The following PTPRK variants were observed in gnomAD, a reference collection of about 807,000 sequenced individuals.
The protein encoded by PTPRK is receptor-type tyrosine-protein phosphatase kappa.
PTPRK carries 75 observed loss-of-function variants against 178.0 expected under a neutral mutation model. The observed-to-expected ratio is 0.42, with a 90% CI of 0.35 to 0.51. The LOEUF (loss-of-function observed/expected upper bound fraction) is 0.51, where lower values mean the gene tolerates loss of function less well. PTPRK is among the 20% of genes least tolerant of loss of function. The pLI, the probability that PTPRK is intolerant of heterozygous loss-of-function variation, is 0.02. For synonymous variants in PTPRK, 637 were observed against 620.6 expected (o/e 1.03, Z -0.39); for missense variants, 1,441 against 1,797.8 (o/e 0.80, Z 3.59).
chr6:128,496,222 A>G (rs1854633353), intron 1 of PTPRK, among the ~76,000 whole-genome samples: 1 of 152,226 alleles, frequency 6.6e-6, no homozygotes, highest in African/African-American at 2.4e-5. Context: ...GAAAAAAAGC[A>G]AACTTGATGA....
intron 7 of PTPRK, among the ~76,000 whole-genome samples, chr6:128,173,497 A>G (rs2114655371): frequency 1.3e-5 from 2 of 152,094 alleles, no homozygotes; most frequent in Admixed American, 6.6e-5. Context: ...TGGTGATGAC[A>G]CTTAAATCTG....
At chr6:128,072,866 G>A (rs924891124) in intron 11 of PTPRK, among the ~76,000 whole-genome samples, 2 of 152,058 alleles carry the variant, frequency 1.3e-5, no homozygotes, top group Admixed American at 6.6e-5. Context: ...CAATCACAGG[G>A]ATGCATGTTT....
intron 1 of PTPRK, among the ~76,000 whole-genome samples, chr6:128,405,645 G>A (rs1841565537): frequency 6.6e-6 from 1 of 152,108 alleles, no homozygotes; most frequent in Non-Finnish European, 1.5e-5. Context: ...TGTTTCTCCT[G>A]GAGAGATTAC....
Position 128,240,195 on chromosome 6 carries a change from A to G in PTPRK, c.578-45T>C, listed in dbSNP as rs183412091. 72 of 1,360,864 alleles carry G rather than the reference A, an allele frequency of 5.3e-5. 1 individual carries two copies. The Middle Eastern group carries it at 2.2e-3, about 41-fold the overall frequency. 84.3% of individuals were successfully genotyped at this position (1,360,864 alleles called of 1,614,324 possible). ...AAAATGTATTTGTTTTCACATGAAG[A>G]AAATATGCCATGTTACTTTTCTCCA... On this transcript the variant is annotated intron_variant, in intron 4 of 29. Coordinates refer to ENST00000368226, the MANE Select transcript of PTPRK (RefSeq NM_002844.4).
chr6:128,468,280 C>T (rs139007117), intron 1 of PTPRK, among the ~76,000 whole-genome samples: 143 of 152,280 alleles, frequency 9.4e-4, no homozygotes, highest in African/African-American at 3.2e-3. Context: ...AACAGGCTGA[C>T]ATGCATATGT....
rs1274604733 is a variant in PTPRK, at chr6:128,075,591, C to G, written c.1883+3222G>C. ...TGTTACCAGTCATTAATTTAGGAGT[C>G]TACCACTCACACGGGTGCACATACT... On this transcript the variant is annotated intron_variant, in intron 11 of 29. Coordinates refer to ENST00000368226, the MANE Select transcript of PTPRK (RefSeq NM_002844.4). 3.9e-5 allele frequency among the ~76,000 whole-genome samples: 6 copies of G among 152,062 alleles called. No individual in the cohort carries two copies. In the East Asian group the frequency reaches 7.7e-4, roughly 20 times the overall value.
chr6:128,247,048 G>C (rs1428423484), intron 3 of PTPRK, among the ~76,000 whole-genome samples: 1 of 152,142 alleles, frequency 6.6e-6, no homozygotes, highest in African/African-American at 2.4e-5. Context: ...GGAAGCCTGG[G>C]ATCTACTATC....
intron 3 of PTPRK, among the ~76,000 whole-genome samples, chr6:128,279,522 G>A (rs1053220670): frequency 1.3e-5 from 2 of 152,188 alleles, no homozygotes; most frequent in Admixed American, 1.3e-4. Flanking sequence ...ACTTCAACAG[G>A]GATCAATGAA....
intron 2 of PTPRK, among the ~76,000 whole-genome samples, chr6:128,385,279 A>G (rs1184318376): frequency 1.3e-5 from 2 of 151,986 alleles, no homozygotes; most frequent in Non-Finnish European, 2.9e-5. Context: ...GTGATTTCCT[A>G]TAGGTCTTTG....
Position 128,201,714 on chromosome 6 carries a change from T to C in PTPRK, c.869-16989A>G, listed in dbSNP as rs957725151. 2.0e-5 allele frequency among the ~76,000 whole-genome samples: 3 copies of C among 152,086 alleles called. No individual in the cohort carries two copies. In the East Asian group the frequency reaches 5.8e-4, roughly 29 times the overall value. The stretch of plus-strand genomic sequence containing the variant: ...TCTCTATTAAAAAATATATATATTT[T>C]ACTAAATCAAATTTTAAAAATTAAA... On this transcript the variant is annotated intron_variant, in intron 6 of 29. Coordinates refer to ENST00000368226, the MANE Select transcript of PTPRK (RefSeq NM_002844.4).
intron 1 of PTPRK, among the ~76,000 whole-genome samples, chr6:128,407,619 G>C (rs1055676829): frequency 4.2e-5 from 4 of 95,890 alleles, no homozygotes; most frequent in Non-Finnish European, 7.4e-5. Flanking sequence ...CTGATGGACA[G>C]AGCAAGACCC....
At chr6:128,490,901 C>A (rs1027506728) in intron 1 of PTPRK, among the ~76,000 whole-genome samples, 7 of 152,138 alleles carry the variant, frequency 4.6e-5, no homozygotes, top group African/African-American at 1.7e-4. Flanking sequence ...CTTGGAGTCT[C>A]TTCCTCTTTT....
intron 1 of PTPRK, among the ~76,000 whole-genome samples, chr6:128,451,674 A>G (rs1446948362): frequency 6.6e-6 from 1 of 152,036 alleles, no homozygotes; most frequent in East Asian, 1.9e-4. Flanking sequence ...ATTTCCTGCA[A>G]AAATACGTTT....
In PTPRK at chr6:128,428,796, A is replaced by G. The variant is rs144668860; in HGVS notation, c.101-31108T>C. ...CAAAGGTCATATACATTCAGTATTA[A>G]CTGTCCTTAGAGTACCCATACAGCC... On this transcript the variant is annotated intron_variant, in intron 1 of 29. Transcript: ENST00000368226. 3.3e-5 allele frequency among the ~76,000 whole-genome samples: 5 copies of G among 152,346 alleles called. 1 individual carries two copies. The highest frequency in any genetic ancestry group is 1.2e-4 in the African/African-American group (5 of 41,584).
chr6:128,441,097 A>C (rs2128400313), intron 1 of PTPRK, among the ~76,000 whole-genome samples: 1 of 152,276 alleles, frequency 6.6e-6, no homozygotes, highest in Middle Eastern at 3.4e-3. Context: ...ACAATCTTAG[A>C]GGTGAAAAAA....
intron 7 of PTPRK, among the ~76,000 whole-genome samples, chr6:128,147,042 C>T (rs555560491): frequency 6.6e-6 from 1 of 152,248 alleles, no homozygotes; most frequent in East Asian, 1.9e-4. Flanking sequence ...TCTTCTACCT[C>T]AGTTTGCTCT....
chr6:128,518,474 A>G (rs536342478), intron 1 of PTPRK, among the ~76,000 whole-genome samples: 1 of 152,340 alleles, frequency 6.6e-6, no homozygotes, highest in African/African-American at 2.4e-5. Context: ...TTGAGACATT[A>G]ATAGTTGCAA....
intron 2 of PTPRK, among the ~76,000 whole-genome samples, chr6:128,335,326 T>G (rs34852624): frequency 6.6e-6 from 1 of 152,162 alleles, no homozygotes; most frequent in Non-Finnish European, 1.5e-5. Context: ...CTTTTCATTT[T>G]TTTATTTACA....
intron 5 of PTPRK, among the ~76,000 whole-genome samples, chr6:128,232,936 C>G (rs77166403): frequency 1.3e-5 from 2 of 152,302 alleles, no homozygotes; most frequent in East Asian, 3.9e-4. Flanking sequence ...GTGAGCTGAT[C>G]ACATATTATG....
Sources: gnomAD v4.1 joint callset for allele counts (sites outside exome capture counted in the v4.1 genomes callset) on GRCh38, gnomAD v4.1.1 for gene constraint, MANE v1.5 for transcripts, NCBI Gene and HGNC (gene_info 2026-07-23, HGNC 2026-07-21) for gene names.